Variants in AK8 observed in about 807,000 individuals in gnomAD.
AK8 encodes the protein ATP-AMP transphosphorylase 8.
Under a neutral mutation model 54.6 loss-of-function variants are expected in AK8, and 44 were observed. The ratio of observed to expected loss-of-function variants is 0.81; its 90% CI spans 0.63 to 1.04. The LOEUF is 1.04. Ranked by LOEUF, AK8 falls within the 50% of genes least tolerant of loss-of-function variation. The pLI is 0.00. For synonymous variants in AK8, 239 were observed against 245.6 expected, an observed-to-expected ratio of 0.97 and a Z score of 0.25; for missense variants, 555 against 613.6, an observed-to-expected ratio of 0.90 and a Z score of 1.01.
chr9:132,802,868 C>T (rs978736200), intron 10 of AK8, among the ~76,000 whole-genome samples: 21 of 152,302 alleles, frequency 1.4e-4, no homozygotes, highest in African/African-American at 3.8e-4. Context: ...GCATAATAAA[C>T]TCAGCGTCAT....
chr9:132,855,661 T>C (rs996764200), intron 4 of AK8, among the ~76,000 whole-genome samples: 8 of 152,346 alleles, frequency 5.3e-5, no homozygotes, highest in African/African-American at 9.6e-5. Context: ...TCGACCATAA[T>C]GAAACTTCAA....
rs751380407 is a variant in AK8 at position 132,875,107 on chromosome 9, G to A, written c.169+8C>T. The stretch of plus-strand genomic sequence containing the variant: ...ACGAGGAGGGGAAGAGCCCCAGCCA[G>A]TGCTCACCATTGTCGTTGTCTCTAT... On this transcript the variant is annotated splice_region_variant and intron_variant, in intron 2 of 12. Coordinates refer to ENST00000298545, the MANE Select transcript of AK8 (RefSeq NM_152572.3). 5 of 1,614,052 alleles carry A rather than the reference G, an allele frequency of 3.1e-6. No homozygotes were observed. Among genetic ancestry groups the A allele is most frequent in the Non-Finnish European group, 4.2e-6 (5 of 1,179,986 alleles).
intron 11 of AK8, among the ~76,000 whole-genome samples, chr9:132,771,754 G>A (rs1209167238): frequency 6.6e-6 from 1 of 151,960 alleles, no homozygotes; most frequent in African/African-American, 2.4e-5. Flanking sequence ...GAGGTCACCA[G>A]AGGGGAAAGG....
intron 5 of AK8, among the ~76,000 whole-genome samples, chr9:132,835,805 C>A (rs1280465870): frequency 6.6e-6 from 1 of 152,114 alleles, no homozygotes; most frequent in Non-Finnish European, 1.5e-5. Flanking sequence ...CTGGACAACA[C>A]AGCGAGACCC....
intron 1 of AK8, 29 bp from the exon 2 acceptor site, chr9:132,875,228 G>A: frequency 6.2e-7 from 1 of 1,612,656 alleles, no homozygotes; most frequent in Non-Finnish European, 8.5e-7. Flanking sequence ...CACCCAGGTG[G>A]TTAATACCTG....
intron 2 of AK8, among the ~76,000 whole-genome samples, chr9:132,867,332 C>A (rs999990078): frequency 6.6e-6 from 1 of 152,186 alleles, no homozygotes; most frequent in Non-Finnish European, 1.5e-5. Flanking sequence ...AGAAGCTTTT[C>A]TTTATGTTTA....
In AK8 at chr9:132,791,733, G is replaced by T. The variant is rs1051567664; in HGVS notation, c.1121+901C>A. Among the ~76,000 whole-genome samples the T allele has an allele frequency of 1.3e-5, 2 of 152,158 alleles. No individual in the cohort carries two copies. ...GATGGTCAGACCATATATAAAAAGA[G>T]AACTGGAACCCACAACCTGCAGCAA... is the stretch of plus-strand genomic sequence containing the variant. On this transcript the variant is annotated intron_variant, in intron 11 of 12. Transcript: ENST00000298545. This position sits in a 1 kb window ranked among gnomAD's most constrained non-coding sequence, Gnocchi z 4.0.
chr9:132,805,128 C>T (rs781449637), intron 10 of AK8, among the ~76,000 whole-genome samples: 7 of 152,202 alleles, frequency 4.6e-5, no homozygotes, highest in Non-Finnish European at 7.4e-5. Flanking sequence ...CTGTCAGAGA[C>T]AATTTCACAG....
chr9:132,792,921 T>A, intron 10 of AK8, 146 bp from the exon 11 acceptor site: 1 of 1,037,406 alleles, frequency 9.6e-7, no homozygotes, highest in Non-Finnish European at 1.3e-6. Flanking sequence ...AGGTTGTCAG[T>A]GCCTATTTCC....
At chr9:132,795,804 T>A (rs1157028886) in intron 10 of AK8, among the ~76,000 whole-genome samples, 2 of 152,040 alleles carry the variant, frequency 1.3e-5, no homozygotes, top group African/African-American at 4.8e-5. Flanking sequence ...ATCAACCAAA[T>A]GATGGGAGGC....
rs73549103 is a variant in AK8 at position 132,800,302 on chromosome 9, T to C, written c.980-7527A>G. On this transcript the variant is annotated intron_variant, in intron 10 of 12. Coordinates refer to ENST00000298545, the MANE Select transcript of AK8 (RefSeq NM_152572.3). The stretch of plus-strand genomic sequence containing the variant: ...TGGCGCCAGGTGTTTCTGTTGGTGA[T>C]GCCGTTTGTTTGTTATTTACTACCA... 6.5e-3 allele frequency among the ~76,000 whole-genome samples: 995 copies of C among 152,302 alleles called. 15 individuals carry two copies. Among genetic ancestry groups the C allele is most frequent in the African/African-American group, 0.023 (956 of 41,556 alleles).
intron 10 of AK8, among the ~76,000 whole-genome samples, chr9:132,795,979 A>G (rs552362153): frequency 6.6e-6 from 1 of 152,268 alleles, no homozygotes; most frequent in South Asian, 2.1e-4. Flanking sequence ...ATAATCAAGT[A>G]TGGCTTGGAA....
At chr9:132,745,682 C>T (rs1350661235) in intron 11 of AK8, among the ~76,000 whole-genome samples, 2 of 152,118 alleles carry the variant, frequency 1.3e-5, no homozygotes, top group Non-Finnish European at 2.9e-5. Flanking sequence ...AGGTCCACAG[C>T]CCCCTGTATT....
At chr9:132,849,779 GCT>G (rs1842895307) in intron 5 of AK8, among the ~76,000 whole-genome samples, 1 of 152,064 alleles carries the variant, frequency 6.6e-6, no homozygotes, top group Admixed American at 6.5e-5. Context: ...ACAGGGTCTT[GCT>G]CTGTCACTCA....
chr9:132,811,676 T>C (rs915551560), intron 10 of AK8, among the ~76,000 whole-genome samples: 2 of 152,216 alleles, frequency 1.3e-5, no homozygotes, highest in African/African-American at 4.8e-5. Flanking sequence ...AGGCAGGGAA[T>C]GAGCATTCGC....
intron 10 of AK8, among the ~76,000 whole-genome samples, chr9:132,810,264 T>C (rs1404252120): frequency 6.6e-6 from 1 of 152,188 alleles, no homozygotes; most frequent in African/African-American, 2.4e-5. Flanking sequence ...CAAAAAGCTG[T>C]GGAAGAAAAA....
At chr9:132,828,466 A>G (rs1052078946) in intron 6 of AK8, among the ~76,000 whole-genome samples, 179 bp downstream of exon 6, 2 of 152,258 alleles carry the variant, frequency 1.3e-5, no homozygotes, top group African/African-American at 4.8e-5. Context: ...ACTTTTCTTA[A>G]GAACCAGCCC....
At chr9:132,851,525 T>G (rs945328777) in intron 5 of AK8, among the ~76,000 whole-genome samples, 1 of 152,196 alleles carries the variant, frequency 6.6e-6, no homozygotes, top group Non-Finnish European at 1.5e-5. Flanking sequence ...CTAAACACAG[T>G]GTTTGATGAG....
chr9:132,740,190 G>T (rs112773513), intron 11 of AK8, among the ~76,000 whole-genome samples: 1 of 152,200 alleles, frequency 6.6e-6, no homozygotes, highest in African/African-American at 2.4e-5. Flanking sequence ...TTACCAACAC[G>T]GGTACTGGTC....
Sources: allele counts gnomAD v4.1 joint callset (sites outside exome capture counted in the v4.1 genomes callset), GRCh38; gene constraint gnomAD v4.1.1; non-coding constraint Gnocchi (gnomAD v3.1); transcripts MANE v1.5; gene names NCBI Gene and HGNC (gene_info 2026-07-23, HGNC 2026-07-21).